ADD2: variants seen among roughly 807,000 people sequenced by gnomAD.
The protein encoded by ADD2 is beta-adducin.
A neutral mutation model predicts 83.0 loss-of-function variants in ADD2; 23 were observed. The ratio of observed to expected loss-of-function variants is 0.28; its 90% CI spans 0.20 to 0.39. The LOEUF is 0.39. Among genes scored for constraint, ADD2 ranks in the 10% least tolerant of loss-of-function variants. ADD2 has a pLI of 1.00. For synonymous variants in ADD2, 375 were observed against 375.4 expected, an observed-to-expected ratio of 1.00 and a Z score of 0.01; for missense variants, 758 against 944.9, an observed-to-expected ratio of 0.80 and a Z score of 2.59.
intron 5 of ADD2, 151 bp from the exon 6 acceptor site, chr2:70,695,952 A>C: frequency 6.8e-6 from 5 of 731,332 alleles, no homozygotes; most frequent in Non-Finnish European, 1.1e-5. Flanking sequence ...TAAGAGATAA[A>C]AAGAACTCAG....
At chr2:70,673,948 A>G (rs552661413) in intron 14 of ADD2, among the ~76,000 whole-genome samples, 1 of 152,230 alleles carries the variant, frequency 6.6e-6, no homozygotes, top group East Asian at 1.9e-4. Flanking sequence ...GGGGTGAGGA[A>G]TGGAGATGGT....
intron 15 of ADD2, among the ~76,000 whole-genome samples, chr2:70,672,649 G>A (rs950585954): frequency 6.6e-6 from 1 of 152,226 alleles, no homozygotes; most frequent in Admixed American, 6.5e-5. Context: ...CCGGGGGCCA[G>A]CCAGTAACTT....
At chr2:70,744,828 G>A (rs529813040) in intron 1 of ADD2, among the ~76,000 whole-genome samples, 42 of 152,180 alleles carry the variant, frequency 2.8e-4, no homozygotes, top group Non-Finnish European at 5.3e-4. Context: ...GGGAAGACCG[G>A]GCTTGGAATC....
At chr2:70,677,029 A>G (rs2104233557) in intron 12 of ADD2, 144 bp from the exon 13 acceptor site, 2 of 1,344,600 alleles carry the variant, frequency 1.5e-6, no homozygotes, top group Middle Eastern at 2.0e-4. Context: ...CAATCCTTGT[A>G]CTTTAAGGGG....
chr2:70,732,684 G>C (rs1394312341), intron 1 of ADD2, among the ~76,000 whole-genome samples: 3 of 152,138 alleles, frequency 2.0e-5, no homozygotes, highest in African/African-American at 7.2e-5. Context: ...CTGGGAGGTT[G>C]TTGCCTCTAC....
intron 2 of ADD2, 23 bp downstream of exon 2, chr2:70,713,043 A>G (rs1476783679): frequency 3.0e-5 from 29 of 970,264 alleles, no homozygotes; most frequent in Non-Finnish European, 3.6e-5. Flanking sequence ...CCCCGTCACC[A>G]CCAGAAACTA....
chr2:70,669,911 T>A (rs527411180), intron 15 of ADD2, among the ~76,000 whole-genome samples: 5 of 152,198 alleles, frequency 3.3e-5, no homozygotes, highest in African/African-American at 1.2e-4. Flanking sequence ...CATCTCAGTG[T>A]CCCAGCTGAG....
chr2:70,764,503 C>T (rs934256033), intron 1 of ADD2, among the ~76,000 whole-genome samples: 1 of 151,958 alleles, frequency 6.6e-6, no homozygotes, highest in African/African-American at 2.4e-5. Context: ...GTGGCTGGAG[C>T]CACCAGGCCT....
At chr2:70,738,315 C>T (rs1237687717) in intron 1 of ADD2, among the ~76,000 whole-genome samples, 1 of 152,108 alleles carries the variant, frequency 6.6e-6, no homozygotes, top group African/African-American at 2.4e-5. Context: ...CACATAAGAA[C>T]TTCAAAAATG....
At position 70,676,286 on chromosome 2, in the gene ADD2, G is replaced by C. The variant is rs1670133260; in HGVS notation, c.1593+510C>G. ...ATACTTTCTAACTCAATGTGGGTTT[G>C]TGTGGGTAATATTGTCCCTTCCCAT... is the stretch of plus-strand genomic sequence containing the variant. On this transcript the variant is annotated intron_variant, in intron 13 of 15. Coordinates refer to ENST00000264436, the MANE Select transcript of ADD2 (RefSeq NM_001617.4). The surrounding 1 kb of genome is among the most constrained non-coding windows in gnomAD (Gnocchi z 4.8). 1.0e-6 allele frequency: 1 copy of C among 997,606 alleles called. No homozygotes were observed. Among genetic ancestry groups the C allele is most frequent in the Admixed American group, 6.0e-5 (1 of 16,702 alleles). 61.8% of individuals were successfully genotyped at this position (997,606 alleles called of 1,614,324 possible).
At chr2:70,751,780 C>T (rs1270197992) in intron 1 of ADD2, among the ~76,000 whole-genome samples, 1 of 152,172 alleles carries the variant, frequency 6.6e-6, no homozygotes, top group Non-Finnish European at 1.5e-5. Context: ...TATCATCATA[C>T]ACTGTAACTG....
Position 70,692,403 on chromosome 2 carries a change from C to T in ADD2, c.705G>A (p.Ala235=), listed in dbSNP as rs781804198. 15 of 1,558,820 alleles carry T rather than the reference C, an allele frequency of 9.6e-6. No homozygotes were observed. Among genetic ancestry groups the T allele is most frequent in the South Asian group, 2.4e-5 (2 of 82,548 alleles). Residue 235 remains alanine, a splice_region_variant and synonymous_variant, in exon 7 of 16, where the codon GCG becomes GCA. Coordinates refer to ENST00000264436, the MANE Select transcript of ADD2 (RefSeq NM_001617.4). Reference sequence around the variant, plus strand: ...GGTGGCTGAGAAGGAGTCCACTCACCGCTGCTGTGGCCGGTGTGTGCAGGT... The same window carrying T: ...GGTGGCTGAGAAGGAGTCCACTCACTGCTGCTGTGGCCGGTGTGTGCAGGT... ...IIHLHTPATA[A]VSAMKWGLLP...
chr2:70,670,624 C>T (rs1669856783), intron 15 of ADD2, among the ~76,000 whole-genome samples: 1 of 152,114 alleles, frequency 6.6e-6, no homozygotes, highest in African/African-American at 2.4e-5. Context: ...GACACTGAGG[C>T]GACTCAGCAT....
chr2:70,729,636 T>C (rs1487779804), intron 1 of ADD2, among the ~76,000 whole-genome samples: 1 of 152,210 alleles, frequency 6.6e-6, no homozygotes, highest in Non-Finnish European at 1.5e-5. Flanking sequence ...TGGCAGGACA[T>C]GCTTCATTTT....
chr2:70,735,003 A>G (rs1239290150), intron 1 of ADD2, among the ~76,000 whole-genome samples: 1 of 152,200 alleles, frequency 6.6e-6, no homozygotes, highest in African/African-American at 2.4e-5. Context: ...CACCTACAGA[A>G]AGTGTTCAGA....
At chr2:70,737,648 A>G (rs558309558) in intron 1 of ADD2, among the ~76,000 whole-genome samples, 3 of 152,086 alleles carry the variant, frequency 2.0e-5, no homozygotes, top group Admixed American at 6.5e-5. Flanking sequence ...TGGGTGCAGC[A>G]CACCAACATG....
chr2:70,717,260 C>A (rs1672519379), intron 1 of ADD2, among the ~76,000 whole-genome samples: 1 of 152,196 alleles, frequency 6.6e-6, no homozygotes, highest in Non-Finnish European at 1.5e-5. Context: ...CCCTGTCCCA[C>A]TGAAGACCAA....
rs570095542 is a variant in ADD2 at position 70,717,404 on chromosome 2, T to C, written c.-153-4220A>G. On this transcript the variant is annotated intron_variant, in intron 1 of 15. Transcript: ENST00000264436. ...ACTTTTTGTTAAAATCGGCTTAAGC[T>C]TCATGTGCCCTAAGCAGAGGCAGGC... is the stretch of plus-strand genomic sequence containing the variant. 3.9e-4 allele frequency among the ~76,000 whole-genome samples: 59 copies of C among 152,266 alleles called. 1 individual carries two copies. Among genetic ancestry groups the C allele is most frequent in the Admixed American group, 1.2e-3 (19 of 15,296 alleles).
rs1553374378 is a variant in ADD2, at chr2:70,706,213, C to T, written c.183+13G>A. On this transcript the variant is annotated intron_variant, in intron 3 of 15. Transcript: ENST00000264436. This position sits in a 1 kb window ranked among gnomAD's most constrained non-coding sequence, Gnocchi z 5.0. The stretch of plus-strand genomic sequence containing the variant: ...CCCCTGCGCCCTCTCCCGCCCGGGT[C>T]AGCCCCACTCACGGGACTCTGCAGG... 6.2e-7 allele frequency: 1 copy of T among 1,612,152 alleles called. No individual in the cohort carries two copies. Among genetic ancestry groups the T allele is most frequent in the Non-Finnish European group, 8.5e-7 (1 of 1,178,866 alleles).
Sources: gnomAD v4.1 joint callset for allele counts (sites outside exome capture counted in the v4.1 genomes callset) on GRCh38, gnomAD v4.1.1 for gene constraint, Gnocchi (gnomAD v3.1) non-coding constraint, MANE v1.5 for transcripts, NCBI Gene and HGNC (gene_info 2026-07-23, HGNC 2026-07-21) for gene names.